The following TBX19 variants were observed in gnomAD, a reference collection of about 807,000 sequenced individuals.
TBX19 encodes T-box transcription factor 19.
In TBX19, 33 loss-of-function variants were observed where a neutral mutation model predicts 40.9. That is an observed-to-expected ratio of 0.81 (90% CI 0.61 to 1.08). The LOEUF (loss-of-function observed/expected upper bound fraction) is 1.08. Among genes scored for constraint, TBX19 ranks in the 50% least tolerant of loss-of-function variants. The pLI is 0.00. For missense variants in TBX19, 494 were observed against 574.0 expected (o/e 0.86, Z 1.42); for synonymous variants, 220 against 225.0 (o/e 0.98, Z 0.20).
Position 168,305,973 on chromosome 1 carries a change from G to A in TBX19, c.916+777G>A, listed in dbSNP as rs1045039877. Among the ~76,000 whole-genome samples, 11 of 152,278 alleles carry A rather than the reference G, an allele frequency of 7.2e-5. 1 individual carries two copies. In the South Asian group the frequency reaches 1.5e-3, roughly 20 times the overall value. On this transcript the variant is annotated intron_variant, in intron 6 of 7. Transcript: ENST00000367821. ...AAATGGACAAATGCCCTGCCCTTACGGAGATTCTATACTAATATGAAAAGA... is the reference window on the plus strand; with the variant it reads ...AAATGGACAAATGCCCTGCCCTTACAGAGATTCTATACTAATATGAAAAGA...
intron 7 of TBX19, 132 bp from the exon 8 acceptor site, chr1:168,312,576 A>C: frequency 3.9e-6 from 4 of 1,020,236 alleles, no homozygotes; most frequent in Non-Finnish European, 4.5e-6. Flanking sequence ...CGTCATAGCT[A>C]GAAATAAAGC....
chr1:168,308,903 C>G, intron 7 of TBX19, 26 bp downstream of exon 7: 2 of 1,614,120 alleles, frequency 1.2e-6, no homozygotes, highest in South Asian at 2.2e-5. Context: ...TCAACTCGCT[C>G]ATTGGTCGTC....
At chr1:168,281,480 A>G (rs1287278995) in intron 1 of TBX19, among the ~76,000 whole-genome samples, 187 bp downstream of exon 1, 2 of 152,248 alleles carry the variant, frequency 1.3e-5, no homozygotes, top group Non-Finnish European at 2.9e-5. Context: ...AGATCATCAG[A>G]GGATGAAGCC....
At chr1:168,289,980 G>A (rs1340735112) in intron 1 of TBX19, among the ~76,000 whole-genome samples, 1 of 152,142 alleles carries the variant, frequency 6.6e-6, no homozygotes, top group Admixed American at 6.5e-5. Context: ...GATCGCCTGA[G>A]GTTGAGAGTT....
intron 7 of TBX19, 66 bp downstream of exon 7, chr1:168,308,943 A>C: frequency 1.2e-6 from 2 of 1,608,796 alleles, no homozygotes; most frequent in Non-Finnish European, 1.7e-6. Flanking sequence ...CTGGGGACTC[A>C]AGTTCATTCT....
Position 168,303,176 on chromosome 1 carries a change from T to TGAG in TBX19, c.728-1831_728-1830insAGG, listed in dbSNP as rs1216251126. Reference sequence around the variant, plus strand: ...CATTTACATTAGATATATCTCCTAATGCTATCCCTCCCCACTCCCACTACC... The same window carrying TGAG: ...CATTTACATTAGATATATCTCCTAATGAGGCTATCCCTCCCCACTCCCACTACC... On this transcript the variant is annotated intron_variant, in intron 5 of 7. Transcript: ENST00000367821. Among the ~76,000 whole-genome samples, 9 of 152,184 alleles carry TGAG rather than the reference T, an allele frequency of 5.9e-5. No individual in the cohort carries two copies. The East Asian group carries it at 1.7e-3, about 29-fold the overall frequency.
rs756647633 is a variant in TBX19, at chr1:168,313,031, C to T, written c.*29C>T. ...GGATCCTAGGAGCCTCTTTGCACAGCGATCCTTCCATGTGTAGAGTGCTTA... is the reference window on the plus strand; with the variant it reads ...GGATCCTAGGAGCCTCTTTGCACAGTGATCCTTCCATGTGTAGAGTGCTTA... On this transcript the variant is annotated 3_prime_UTR_variant, in exon 8 of 8. Coordinates refer to ENST00000367821, the MANE Select transcript of TBX19 (RefSeq NM_005149.3). The T allele has an allele frequency of 6.8e-6, 11 of 1,613,162 alleles. 1 individual carries two copies. The highest frequency in any genetic ancestry group is 6.7e-5 in the East Asian group (3 of 44,896).
intron 6 of TBX19, among the ~76,000 whole-genome samples, chr1:168,306,266 A>G (rs1386694604): frequency 6.6e-6 from 1 of 152,178 alleles, no homozygotes; most frequent in Non-Finnish European, 1.5e-5. Context: ...GTCAGCATCA[A>G]ATCACATCTT....
At position 168,304,992 on chromosome 1, in the gene TBX19, C is replaced by T. The variant is rs1169871759; in HGVS notation, c.728-16C>T. 1.9e-6 allele frequency: 3 copies of T among 1,613,460 alleles called. No homozygotes were observed. Among genetic ancestry groups the T allele is most frequent in the Admixed American group, 1.7e-5 (1 of 60,030 alleles). ...TCACAGACTCAGTCTTGGTGTATTC[C>T]TCTTGTCTATTTTAGTGGGAGGCTG... On this transcript the variant is annotated splice_polypyrimidine_tract_variant and intron_variant, in intron 5 of 7. Coordinates refer to ENST00000367821, the MANE Select transcript of TBX19 (RefSeq NM_005149.3).
At chr1:168,294,465 C>T (rs892672498) in intron 3 of TBX19, among the ~76,000 whole-genome samples, 17 of 151,940 alleles carry the variant, frequency 1.1e-4, no homozygotes, top group African/African-American at 3.4e-4. Context: ...TTCCGAGTAG[C>T]TAGGATTACA....
chr1:168,289,732 G>A (rs551275112), intron 1 of TBX19, among the ~76,000 whole-genome samples: 12 of 152,258 alleles, frequency 7.9e-5, no homozygotes, highest in East Asian at 1.9e-4. Context: ...AGTGTTGGCC[G>A]TATTACCATT....
At chr1:168,310,679 A>AT (rs554838392) in intron 7 of TBX19, among the ~76,000 whole-genome samples, 2,301 of 146,662 alleles carry the variant, frequency 0.016, 72 homozygotes, top group African/African-American at 0.054. Context: ...TATATAAAAA[A>AT]ATATAAAATA....
intron 3 of TBX19, 123 bp from the exon 4 acceptor site, chr1:168,297,601 C>T (rs928867777): frequency 1.1e-5 from 9 of 854,270 alleles, no homozygotes; most frequent in South Asian, 1.4e-5. Context: ...CATAAGCCAT[C>T]GTGCCTGGTG....
intron 3 of TBX19, among the ~76,000 whole-genome samples, chr1:168,296,991 G>A (rs1338615366): frequency 2.0e-5 from 3 of 152,182 alleles, no homozygotes; most frequent in Non-Finnish European, 4.4e-5. Context: ...ATACTGCAAT[G>A]AATAAAACAG....
Position 168,312,966 on chromosome 1 carries a change from G to C in TBX19, c.1311G>C (p.Ala437=), listed in dbSNP as rs1257017988. Residue 437 remains alanine, a synonymous_variant, in exon 8 of 8, where the codon GCG becomes GCC. Coordinates refer to ENST00000367821, the MANE Select transcript of TBX19 (RefSeq NM_005149.3). ...HPFAGWGGPG[A]GGHHSPSSLD... is the part of the protein sequence containing the mutation. ...TCGCGGGCTGGGGTGGCCCAGGAGCGGGTGGGCACCATTCTCCTTCCTCAC... is the reference window on the plus strand; with the variant it reads ...TCGCGGGCTGGGGTGGCCCAGGAGCCGGTGGGCACCATTCTCCTTCCTCAC... 14 of 1,614,208 alleles carry C rather than the reference G, an allele frequency of 8.7e-6. No homozygotes were observed. The highest frequency in any genetic ancestry group is 1.2e-5 in the Non-Finnish European group (14 of 1,180,040).
chr1:168,305,099 C>T lies in TBX19; in HGVS notation c.819C>T (p.Pro273=). The T allele has an allele frequency of 6.2e-7, 1 of 1,614,150 alleles. No individual in the cohort carries two copies. Among genetic ancestry groups the T allele is most frequent in the African/African-American group, 1.3e-5 (1 of 75,044 alleles). The change falls in exon 6 of 8, where the codon CCC becomes CCT. Residue 273 remains proline, a synonymous_variant. Transcript: ENST00000367821. ...QYAAPLPLPA[P]HTHHGCEHYS... ...CCGCTCCTCTGCCTCTGCCTGCTCCCCACACCCACCATGGCTGTGAGCACT... is the reference window on the plus strand; with the variant it reads ...CCGCTCCTCTGCCTCTGCCTGCTCCTCACACCCACCATGGCTGTGAGCACT...
Position 168,313,153 on chromosome 1 carries a change from A to G in TBX19, c.*151A>G. ...GTTATTACAGAAGTCATACTGGGAG[A>G]GGGTTCAGTTTGGATGATGCTAGTT... is the stretch of plus-strand genomic sequence containing the variant. On this transcript the variant is annotated 3_prime_UTR_variant, in exon 8 of 8. Coordinates refer to ENST00000367821, the MANE Select transcript of TBX19 (RefSeq NM_005149.3). 3 of 935,078 alleles carry G rather than the reference A, an allele frequency of 3.2e-6. No individual in the cohort carries two copies. Among genetic ancestry groups the G allele is most frequent in the Non-Finnish European group, 4.9e-6 (3 of 606,842 alleles). The allele number at this position is 935,078 out of a possible 1,614,324, so 57.9% of individuals were successfully genotyped here.
intron 3 of TBX19, among the ~76,000 whole-genome samples, 200 bp downstream of exon 3, chr1:168,293,478 AC>A (rs1217881046): frequency 6.6e-6 from 1 of 152,114 alleles, no homozygotes; most frequent in Non-Finnish European, 1.5e-5. Context: ...CTAAAGGCTC[AC>A]CAGCATGTGC....
At chr1:168,309,103 T>C (rs1463096487) in intron 7 of TBX19, among the ~76,000 whole-genome samples, 1 of 152,214 alleles carries the variant, frequency 6.6e-6, no homozygotes, top group African/African-American at 2.4e-5. Flanking sequence ...CCGGGTGCAG[T>C]GGCTCACACC....
Sources: gnomAD v4.1 joint callset for allele counts (sites outside exome capture counted in the v4.1 genomes callset) on GRCh38, gnomAD v4.1.1 for gene constraint, MANE v1.5 for transcripts, NCBI Gene and HGNC (gene_info 2026-07-23, HGNC 2026-07-21) for gene names.